The following ZFAND3 variants were observed in gnomAD, a reference collection of about 807,000 sequenced individuals.
The protein encoded by ZFAND3 is zinc finger AN1-type containing 3.
In ZFAND3, 10 loss-of-function variants were observed where a neutral mutation model predicts 29.6. That is an observed-to-expected ratio of 0.34 (90% CI 0.21 to 0.57). The LOEUF (loss-of-function observed/expected upper bound fraction) is 0.57, where lower values mean the gene tolerates loss of function less well. Among genes scored for constraint, ZFAND3 ranks in the 20% least tolerant of loss-of-function variants. The pLI is 0.86. For synonymous variants in ZFAND3, 128 were observed against 112.6 expected, an observed-to-expected ratio of 1.14 and a Z score of -0.87; for missense variants, 230 against 304.5, an observed-to-expected ratio of 0.76 and a Z score of 1.82.
chr6:38,146,486 A>G (rs1020550180), intron 5 of ZFAND3, among the ~76,000 whole-genome samples: 3 of 152,192 alleles, frequency 2.0e-5, no homozygotes, highest in Non-Finnish European at 4.4e-5. Flanking sequence ...TTCAGTGCCA[A>G]CAAGCAAAGG....
chr6:37,989,471 C>CT (rs1762723884), intron 2 of ZFAND3, among the ~76,000 whole-genome samples: 1 of 152,142 alleles, frequency 6.6e-6, no homozygotes, highest in Non-Finnish European at 1.5e-5. Flanking sequence ...GATCAGCTCT[C>CT]TTGTTTCTTT....
rs971528090 is a variant in ZFAND3, at chr6:38,153,690, G to C, written c.*1301G>C. On this transcript the variant is annotated 3_prime_UTR_variant, in exon 6 of 6. Coordinates refer to ENST00000287218, the MANE Select transcript of ZFAND3 (RefSeq NM_021943.3). ...GGTGGGGAAGGGTGGGGGTGGGCCT[G>C]GTTGCCCCATGTTAGGAAATCACTA... 3.0e-6 allele frequency: 3 copies of C among 985,184 alleles called. No individual in the cohort carries two copies. The African/African-American group carries it at 5.2e-5, about 17-fold the overall frequency. The allele number at this position is 985,184 out of a possible 1,614,324, so 61.0% of individuals were successfully genotyped here. A position where few individuals can be genotyped will look rare whatever the true frequency, so the allele number is the denominator to read the frequency against.
Position 38,030,051 on chromosome 6 carries a change from GATATATATATATATATATATATATAT to G in ZFAND3, c.113-31516_113-31491del, listed in dbSNP as rs58560520. Among the ~76,000 whole-genome samples the G allele has an allele frequency of 8.6e-3, 816 of 94,970 alleles. 26 individuals are homozygous for G. The highest frequency in any genetic ancestry group is 6.8e-3 in the Non-Finnish European group (344 of 50,398). 62.3% of individuals were successfully genotyped at this position (94,970 alleles called of 152,430 possible). A position where few individuals can be genotyped will look rare whatever the true frequency, so the allele number is the denominator to read the frequency against. On this transcript the variant is annotated intron_variant, in intron 2 of 5. Coordinates refer to ENST00000287218, the MANE Select transcript of ZFAND3 (RefSeq NM_021943.3). ...CATTTCTTGTTATGTAGTTCTGCTGGATATATATATATATATATATATATATATATATATATATATATATATATATA... is the reference window on the plus strand; with the variant it reads ...CATTTCTTGTTATGTAGTTCTGCTGGATATATATATATATATATATATATA...
chr6:38,037,111 A>T (rs1763672771), intron 2 of ZFAND3, among the ~76,000 whole-genome samples: 1 of 152,232 alleles, frequency 6.6e-6, no homozygotes, highest in Non-Finnish European at 1.5e-5. Flanking sequence ...AACTCAACAC[A>T]TTCTTTGAGC....
intron 2 of ZFAND3, chr6:38,003,878 T>C (rs1762996037): frequency 4.8e-6 from 2 of 412,634 alleles, no homozygotes; most frequent in South Asian, 3.5e-5. Flanking sequence ...AATCACTGCT[T>C]ATTACTGTGA....
rs1764683647 is a variant in ZFAND3, at chr6:38,082,533, T to C, written c.361+76T>C. On this transcript the variant is annotated intron_variant, in intron 4 of 5. Transcript: ENST00000287218. Reference sequence around the variant, plus strand: ...AAGTTAGCAACTGGTTCTAACTTGGTGTGCTTCTCAGGGTACTCTGATTTC... The same window carrying C: ...AAGTTAGCAACTGGTTCTAACTTGGCGTGCTTCTCAGGGTACTCTGATTTC... 2.1e-6 allele frequency: 3 copies of C among 1,399,868 alleles called. No homozygotes were observed. The East Asian group carries it at 7.0e-5, about 33-fold the overall frequency. 86.7% of individuals were successfully genotyped at this position (1,399,868 alleles called of 1,614,324 possible).
intron 5 of ZFAND3, among the ~76,000 whole-genome samples, chr6:38,122,149 G>A (rs1765547166): frequency 6.6e-6 from 1 of 152,016 alleles, no homozygotes; most frequent in South Asian, 2.1e-4. Context: ...TTGTCCCCTG[G>A]TATCTGCGGG....
chr6:37,879,792 G>T (rs1451655743), intron 1 of ZFAND3, among the ~76,000 whole-genome samples: 1 of 152,160 alleles, frequency 6.6e-6, no homozygotes, highest in African/African-American at 2.4e-5. Context: ...CTTGAAACCA[G>T]ATATATCTGG....
At chr6:38,067,873 A>C (rs1764377066) in intron 3 of ZFAND3, among the ~76,000 whole-genome samples, 1 of 152,124 alleles carries the variant, frequency 6.6e-6, no homozygotes, top group Non-Finnish European at 1.5e-5. Flanking sequence ...CATGATGTGC[A>C]TGTCTACCTG....
chr6:37,895,041 A>C (rs1355508788), intron 1 of ZFAND3, among the ~76,000 whole-genome samples: 6 of 152,092 alleles, frequency 3.9e-5, no homozygotes, highest in Non-Finnish European at 8.8e-5. Flanking sequence ...CAAAGGGCTT[A>C]TTATGTTTCC....
rs556433109 is a variant in ZFAND3 at position 38,061,704 on chromosome 6, C to T, written c.224C>T (p.Thr75Met). Residue 75 changes from threonine (T) to methionine (M), a missense_variant, in exon 3 of 6, where the codon ACG becomes ATG. Thr to Met is a moderately conservative substitution (Grantham distance 81). Transcript: ENST00000287218. Reference protein sequence around the residue: ...TSDNNNTSITTPTLSPSQQPL... With the variant: ...TSDNNNTSITMPTLSPSQQPL... ...GACAACAACAATACCTCGATAACCA[C>T]GCCAACTCTTAGTCCCAGCCAGCAG... 121 of 1,614,164 alleles carry T rather than the reference C, an allele frequency of 7.5e-5. No homozygotes were observed. The highest frequency in any genetic ancestry group is 9.2e-5 in the Non-Finnish European group (109 of 1,180,022).
Position 38,086,217 on chromosome 6 carries a change from A to G in ZFAND3, c.361+3760A>G, listed in dbSNP as rs113075624. ...TTTCTTTATATGATGGCTTTTAGCCAGACAGAATTATTAACAGTTAAACTC... is the reference window on the plus strand; with the variant it reads ...TTTCTTTATATGATGGCTTTTAGCCGGACAGAATTATTAACAGTTAAACTC... On this transcript the variant is annotated intron_variant, in intron 4 of 5. Coordinates refer to ENST00000287218, the MANE Select transcript of ZFAND3 (RefSeq NM_021943.3). Among the ~76,000 whole-genome samples the G allele has an allele frequency of 4.2e-4, 64 of 152,332 alleles. 1 individual carries two copies. The highest frequency in any genetic ancestry group is 7.9e-4 in the African/African-American group (33 of 41,582).
chr6:37,870,802 C>A (rs1438605135), intron 1 of ZFAND3, among the ~76,000 whole-genome samples: 2 of 152,144 alleles, frequency 1.3e-5, no homozygotes, highest in African/African-American at 4.8e-5. Context: ...GCTTCAGCCT[C>A]ACAAATAGCT....
chr6:38,055,747 CAGGTATTA>C (rs1248719203), intron 2 of ZFAND3, among the ~76,000 whole-genome samples: 1 of 152,162 alleles, frequency 6.6e-6, no homozygotes, highest in Non-Finnish European at 1.5e-5. Context: ...TAGAAATTCA[CAGGTATTA>C]AGCACTTTAT....
At chr6:37,985,769 A>C (rs1762661686) in intron 2 of ZFAND3, among the ~76,000 whole-genome samples, 1 of 152,252 alleles carries the variant, frequency 6.6e-6, no homozygotes, top group Admixed American at 6.5e-5. Flanking sequence ...GTAGTTGAAA[A>C]GTAAAAAGAG....
At chr6:37,959,355 A>G (rs1372947476) in intron 2 of ZFAND3, among the ~76,000 whole-genome samples, 1 of 152,228 alleles carries the variant, frequency 6.6e-6, no homozygotes, top group Admixed American at 6.5e-5. Context: ...CAAAATGGAA[A>G]TGTTAACATT....
At chr6:38,036,357 C>T (rs572488220) in intron 2 of ZFAND3, among the ~76,000 whole-genome samples, 106 of 152,282 alleles carry the variant, frequency 7.0e-4, no homozygotes, top group African/African-American at 2.1e-3. Context: ...AGCCAAGCCA[C>T]TAAACAAACA....
At chr6:38,147,287 TC>T (rs1205664786) in intron 5 of ZFAND3, among the ~76,000 whole-genome samples, 1 of 152,236 alleles carries the variant, frequency 6.6e-6, no homozygotes, top group Non-Finnish European at 1.5e-5. Context: ...GATAATGACT[TC>T]CAGCTCCATC....
intron 2 of ZFAND3, among the ~76,000 whole-genome samples, chr6:38,008,547 T>G (rs556525479): frequency 4.5e-4 from 68 of 152,302 alleles, no homozygotes; most frequent in African/African-American, 1.6e-3. Flanking sequence ...GAGTGCTCTA[T>G]TTAAAGCTAG....
Sources: gnomAD v4.1 joint callset for allele counts (sites outside exome capture counted in the v4.1 genomes callset) on GRCh38, gnomAD v4.1.1 for gene constraint, MANE v1.5 for transcripts, NCBI Gene and HGNC (gene_info 2026-07-23, HGNC 2026-07-21) for gene names.